Variants in TRAPPC10 observed in about 807,000 individuals in gnomAD.
The protein encoded by TRAPPC10 is trafficking protein particle complex subunit 10.
A neutral mutation model predicts 125.5 loss-of-function variants in TRAPPC10; 23 were observed. That is an observed-to-expected ratio of 0.18 (90% CI 0.13 to 0.26). The LOEUF is 0.26. Ranked by LOEUF, TRAPPC10 falls within the 10% of genes least tolerant of loss-of-function variation. The pLI is 1.00. For synonymous variants in TRAPPC10, 509 were observed against 518.0 expected (o/e 0.98, Z 0.24); for missense variants, 1,123 against 1,308.4 (o/e 0.86, Z 2.19).
At chr21:44,024,610 T>G (rs2032876928) in intron 1 of TRAPPC10, among the ~76,000 whole-genome samples, 2 of 152,214 alleles carry the variant, frequency 1.3e-5, no homozygotes, top group Non-Finnish European at 2.9e-5. Context: ...ATTACTGTAG[T>G]TTTAAAGTTA....
At chr21:44,053,030 C>T (rs2145841454) in intron 4 of TRAPPC10, among the ~76,000 whole-genome samples, 1 of 152,142 alleles carries the variant, frequency 6.6e-6, no homozygotes, top group African/African-American at 2.4e-5. Flanking sequence ...GCTGAGCCAG[C>T]CAGCACGTTA....
Position 44,063,206 on chromosome 21 carries a change from A to C in TRAPPC10, c.791-332A>C. On this transcript the variant is annotated intron_variant, in intron 6 of 22. Coordinates refer to ENST00000291574, the MANE Select transcript of TRAPPC10 (RefSeq NM_003274.5). This position sits in a 1 kb window ranked among gnomAD's most constrained non-coding sequence, Gnocchi z 4.4. ...AAGCCCAGCCCCGCTGCAGCCTAAG[A>C]CTAGAGCCCTCCCTCGGCCTGAGAC... is the stretch of plus-strand genomic sequence containing the variant. 1 of 1,273,730 alleles carries C rather than the reference A, an allele frequency of 7.9e-7. No individual in the cohort carries two copies. Among genetic ancestry groups the C allele is most frequent in the East Asian group, 4.9e-5 (1 of 20,530 alleles). The allele number at this position is 1,273,730 out of a possible 1,614,324, so 78.9% of individuals were successfully genotyped here.
chr21:44,017,575 C>T (rs186792211), intron 1 of TRAPPC10, among the ~76,000 whole-genome samples: 131 of 151,574 alleles, frequency 8.6e-4, no homozygotes, highest in Non-Finnish European at 1.7e-3. Flanking sequence ...ATATTATGTC[C>T]TAACAAGAGC....
At chr21:44,035,901 C>T (rs1160485752) in intron 2 of TRAPPC10, among the ~76,000 whole-genome samples, 2 of 152,102 alleles carry the variant, frequency 1.3e-5, no homozygotes, top group Non-Finnish European at 2.9e-5. Context: ...CACTAAACAG[C>T]TGTATAGCTG....
intron 1 of TRAPPC10, among the ~76,000 whole-genome samples, chr21:44,021,653 G>T (rs758454616): frequency 1.5e-4 from 23 of 152,126 alleles, no homozygotes; most frequent in Non-Finnish European, 2.8e-4. Flanking sequence ...CTGAACATTT[G>T]TGTCCCTCCC....
intron 13 of TRAPPC10, among the ~76,000 whole-genome samples, chr21:44,080,543 C>CT (rs59033671): frequency 0.016 from 2,273 of 140,592 alleles, 54 homozygotes; most frequent in African/African-American, 0.055. Flanking sequence ...TCTTCTTCTT[C>CT]TTTTTTTTTT....
chr21:44,047,565 T>TGTGTGCGCGC (rs954810521), intron 3 of TRAPPC10, among the ~76,000 whole-genome samples: 2 of 147,202 alleles, frequency 1.4e-5, no homozygotes, highest in South Asian at 2.2e-4. Context: ...TGTGTGTGTG[T>TGTGTGCGCGC]GCGCGCACAC....
intron 6 of TRAPPC10, among the ~76,000 whole-genome samples, chr21:44,060,915 T>TAC (rs34848979): frequency 0.09 from 11,857 of 132,132 alleles, 529 homozygotes; most frequent in Non-Finnish European, 0.096. Context: ...CATACATACA[T>TAC]ACACACACAC....
chr21:44,034,939 C>T (rs2033880977), intron 2 of TRAPPC10, among the ~76,000 whole-genome samples: 1 of 152,170 alleles, frequency 6.6e-6, no homozygotes, highest in African/African-American at 2.4e-5. Context: ...CTAAGCCCAC[C>T]CATACCTTGA....
intron 3 of TRAPPC10, among the ~76,000 whole-genome samples, chr21:44,045,537 C>G (rs1424474703): frequency 2.6e-5 from 4 of 151,526 alleles, no homozygotes; most frequent in Non-Finnish European, 4.4e-5. Flanking sequence ...TTTTTCTTTG[C>G]ATTTTAAGAT....
At chr21:44,080,664 A>G (rs1272311855) in intron 13 of TRAPPC10, among the ~76,000 whole-genome samples, 2 of 151,922 alleles carry the variant, frequency 1.3e-5, no homozygotes, top group East Asian at 3.9e-4. Context: ...CAGCCTCCCA[A>G]GTAGCTGGGG....
At chr21:44,090,010 T>C (rs1283257454) in intron 18 of TRAPPC10, 77 bp downstream of exon 18, 1 of 1,136,052 alleles carries the variant, frequency 8.8e-7, no homozygotes, top group African/African-American at 1.5e-5. Context: ...TGTTCAAAAC[T>C]GGCCTTCGTG....
At chr21:44,085,593 G>A (rs1181249055) in intron 15 of TRAPPC10, among the ~76,000 whole-genome samples, 1 of 152,010 alleles carries the variant, frequency 6.6e-6, no homozygotes, top group Non-Finnish European at 1.5e-5. Context: ...CTACAGGCTG[G>A]AGCCCCAGCT....
chr21:44,032,269 G>A, intron 2 of TRAPPC10, 97 bp downstream of exon 2: 1 of 960,462 alleles, frequency 1.0e-6, no homozygotes, highest in South Asian at 1.6e-5. Flanking sequence ...ACATTTATGT[G>A]AACAAGTGAA....
intron 5 of TRAPPC10, 35 bp downstream of exon 5, chr21:44,055,928 C>T (rs773016726): frequency 2.7e-6 from 4 of 1,486,168 alleles, no homozygotes; most frequent in Non-Finnish European, 2.7e-6. Context: ...ACAGTTCCTT[C>T]TCTCCTTCCC....
In TRAPPC10 at chr21:44,075,382, A is replaced by G. The variant is rs527946260; in HGVS notation, c.1300+229A>G. Among the ~76,000 whole-genome samples, 31 of 152,340 alleles carry G rather than the reference A, an allele frequency of 2.0e-4. No individual in the cohort carries two copies. The South Asian group carries it at 5.8e-3, about 29-fold the overall frequency. ...AAATTGGAAGGAGTTTCAGAAATGT[A>G]GCTGAGTTTCTCCTGGGCTTAAGGG... On this transcript the variant is annotated intron_variant, in intron 9 of 22. Coordinates refer to ENST00000291574, the MANE Select transcript of TRAPPC10 (RefSeq NM_003274.5).
At chr21:44,056,242 G>A (rs969572675) in intron 5 of TRAPPC10, among the ~76,000 whole-genome samples, 1 of 152,176 alleles carries the variant, frequency 6.6e-6, no homozygotes, top group Non-Finnish European at 1.5e-5. Flanking sequence ...AATAAATGGA[G>A]GAGAAGGGTC....
intron 1 of TRAPPC10, among the ~76,000 whole-genome samples, chr21:44,022,450 A>ATTTTTTTTTTT (rs71197876): frequency 1.0e-5 from 1 of 96,986 alleles, no homozygotes; most frequent in East Asian, 3.0e-4. Context: ...TGCCCAGCTA[A>ATTTTTTTTTTT]TTTTTTTTTT....
At chr21:44,050,568 T>G (rs1160082541) in intron 3 of TRAPPC10, among the ~76,000 whole-genome samples, 1 of 152,172 alleles carries the variant, frequency 6.6e-6, no homozygotes, top group Admixed American at 6.5e-5. Context: ...GGCCTTTTGG[T>G]TTTGCTTCCA....
Sources: gnomAD v4.1 joint callset for allele counts (sites outside exome capture counted in the v4.1 genomes callset) on GRCh38, gnomAD v4.1.1 for gene constraint, Gnocchi (gnomAD v3.1) non-coding constraint, MANE v1.5 for transcripts, NCBI Gene and HGNC (gene_info 2026-07-23, HGNC 2026-07-21) for gene names.